ATXN7L2: variants seen among roughly 807,000 people sequenced by gnomAD.
ATXN7L2 encodes ataxin-7-like protein 2.
A neutral mutation model predicts 59.6 loss-of-function variants in ATXN7L2; 17 were observed. That is an observed-to-expected ratio of 0.29 (90% CI 0.20 to 0.43). The LOEUF (loss-of-function observed/expected upper bound fraction) is 0.43, where lower values mean the gene tolerates loss of function less well. Ranked by LOEUF, ATXN7L2 falls within the 20% of genes least tolerant of loss-of-function variation. The pLI, the probability that ATXN7L2 is intolerant of heterozygous loss-of-function variation, is 1.00. For synonymous variants in ATXN7L2, 378 were observed against 392.5 expected, an observed-to-expected ratio of 0.96 and a Z score of 0.44; for missense variants, 858 against 1,008.9, an observed-to-expected ratio of 0.85 and a Z score of 2.03.
intron 7 of ATXN7L2, chr1:109,489,337 A>G (rs967498001): frequency 7.0e-6 from 4 of 570,588 alleles, no homozygotes; most frequent in African/African-American, 5.6e-5. Context: ...CACTCAGGAT[A>G]TGAACATTTT....
intron 1 of ATXN7L2, 161 bp from the exon 2 acceptor site, chr1:109,485,896 G>A (rs1305141723): frequency 2.2e-5 from 28 of 1,270,030 alleles, no homozygotes; most frequent in African/African-American, 4.6e-5. Context: ...AGCTTGTCAC[G>A]GAGTGTGGGC....
rs763529491 is a variant in ATXN7L2 at position 109,486,643 on chromosome 1, CAG to C, written c.298+34_298+35del. On this transcript the variant is annotated intron_variant, in intron 3 of 10. Transcript: ENST00000683729. This position sits in a 1 kb window ranked among gnomAD's most constrained non-coding sequence, Gnocchi z 4.3. ...GAGCCCTAGGGAGGAGATAAAGGGACAGGGGAAGGTGGAGCATGGAACTCTGA... is the reference window on the plus strand; with the variant it reads ...GAGCCCTAGGGAGGAGATAAAGGGACGGGAAGGTGGAGCATGGAACTCTGA... The C allele has an allele frequency of 3.5e-5, 55 of 1,562,354 alleles. No homozygotes were observed. The South Asian group carries it at 5.8e-4, about 16-fold the overall frequency.
rs779306849 is a variant in ATXN7L2, at chr1:109,492,573, T to G, written c.2251-13T>G. 8.1e-6 allele frequency: 13 copies of G among 1,613,856 alleles called. No homozygotes were observed. Among genetic ancestry groups the G allele is most frequent in the Non-Finnish European group, 1.1e-5 (13 of 1,179,926 alleles). On this transcript the variant is annotated splice_polypyrimidine_tract_variant and intron_variant, in intron 10 of 10. Coordinates refer to ENST00000683729, the MANE Select transcript of ATXN7L2 (RefSeq NM_001350175.2). ...CACCCTGACCCTTTCTCTCGCCTCT[T>G]GTCTTCCTGCAGTCAAAAGCCCATT...
Position 109,491,477 on chromosome 1 carries a change from A to C in ATXN7L2, c.2010A>C (p.Thr670=), listed in dbSNP as rs151133348. The change falls in exon 10 of 11, where the codon ACA becomes ACC. Residue 670 remains threonine, a synonymous_variant. Coordinates refer to ENST00000683729, the MANE Select transcript of ATXN7L2 (RefSeq NM_001350175.2). The surrounding 1 kb of genome is among the most constrained non-coding windows in gnomAD (Gnocchi z 4.1). The part of the protein sequence containing the change: ...DCRGSPHQLP[T]PVKASQLENR... ...GTGGCTCCCCTCATCAGCTCCCCACACCAGTCAAGGCTTCTCAGCTGGAGA... is the reference window on the plus strand; with the variant it reads ...GTGGCTCCCCTCATCAGCTCCCCACCCCAGTCAAGGCTTCTCAGCTGGAGA... The C allele has an allele frequency of 1.3e-4, 217 of 1,613,968 alleles. No homozygotes were observed. In the African/African-American group the frequency reaches 2.6e-3, roughly 19 times the overall value.
Position 109,488,225 on chromosome 1 carries a change from A to G in ATXN7L2, c.797-158A>G, listed in dbSNP as rs1412340990. On this transcript the variant is annotated intron_variant, in intron 5 of 10. Coordinates refer to ENST00000683729, the MANE Select transcript of ATXN7L2 (RefSeq NM_001350175.2). The surrounding 1 kb of genome is among the most constrained non-coding windows in gnomAD (Gnocchi z 5.0). Reference sequence around the variant, plus strand: ...TCTCACACCCAGCAAGGAGATGTTGATGCCCAGAAGTTTATCTGGAAGGTA... The same window carrying G: ...TCTCACACCCAGCAAGGAGATGTTGGTGCCCAGAAGTTTATCTGGAAGGTA... Among the ~76,000 whole-genome samples the G allele has an allele frequency of 6.6e-6, 1 of 152,188 alleles. No individual in the cohort carries two copies. The highest frequency in any genetic ancestry group is 2.4e-5 in the African/African-American group (1 of 41,440).
At chr1:109,484,470 C>T (rs1227024874) in intron 1 of ATXN7L2, among the ~76,000 whole-genome samples, 1 of 146,560 alleles carries the variant, frequency 6.8e-6, no homozygotes, top group African/African-American at 2.5e-5. Flanking sequence ...CCCTTCCTCA[C>T]CCCCCTTGTT....
In ATXN7L2 at chr1:109,491,690, C is replaced by A; in HGVS notation, c.2223C>A (p.Ala741=). ...VRRKKPGPAL[A]FEEKCSTLKS... is the part of the protein sequence containing the mutation. ...GCAAGAAGCCAGGCCCGGCCCTGGC[C>A]TTTGAGGAGAAGTGCTCTACACTGA... Residue 741 remains alanine, a synonymous_variant, in exon 10 of 11, where the codon GCC becomes GCA. Transcript: ENST00000683729. This position sits in a 1 kb window ranked among gnomAD's most constrained non-coding sequence, Gnocchi z 4.1. The A allele has an allele frequency of 1.2e-6, 2 of 1,606,698 alleles. No individual in the cohort carries two copies. Among genetic ancestry groups the A allele is most frequent in the Non-Finnish European group, 1.7e-6 (2 of 1,175,994 alleles).
chr1:109,484,857 G>C (rs1457888620), intron 1 of ATXN7L2, among the ~76,000 whole-genome samples: 1 of 152,196 alleles, frequency 6.6e-6, no homozygotes, highest in East Asian at 1.9e-4. Context: ...GGAGGAGACT[G>C]CACGGAGGGG....
Position 109,488,256 on chromosome 1 carries a change from C to G in ATXN7L2, c.797-127C>G. On this transcript the variant is annotated intron_variant, in intron 5 of 10. Coordinates refer to ENST00000683729, the MANE Select transcript of ATXN7L2 (RefSeq NM_001350175.2). This position sits in a 1 kb window ranked among gnomAD's most constrained non-coding sequence, Gnocchi z 5.0. The stretch of plus-strand genomic sequence containing the variant: ...AGAAGTTTATCTGGAAGGTACAGCC[C>G]CAGGCTGAGGGCTGGAGTCTCTTCT... The G allele has an allele frequency of 3.4e-6, 3 of 894,406 alleles. No homozygotes were observed. The highest frequency in any genetic ancestry group is 5.4e-6 in the Non-Finnish European group (3 of 554,326). The allele number at this position is 894,406 out of a possible 1,614,324, so 55.4% of individuals were successfully genotyped here.
rs910130012 is a variant in ATXN7L2 at position 109,491,082 on chromosome 1, C to T, written c.1615C>T (p.Pro539Ser). 6.2e-7 allele frequency: 1 copy of T among 1,613,606 alleles called. No individual in the cohort carries two copies. The highest frequency in any genetic ancestry group is 1.3e-5 in the African/African-American group (1 of 74,944). Residue 539 changes from proline to serine, a missense_variant, in exon 10 of 11, where the codon CCC becomes TCC. Pro to Ser is a moderately conservative substitution (Grantham distance 74, BLOSUM62 -1). Coordinates refer to ENST00000683729, the MANE Select transcript of ATXN7L2 (RefSeq NM_001350175.2). This position sits in a 1 kb window ranked among gnomAD's most constrained non-coding sequence, Gnocchi z 4.1. ...GCCCCCCACCAAGGACAACCTTGTCCCCAGCTACCCTGCAGGCTCCCCCAG... is the reference window on the plus strand; with the variant it reads ...GCCCCCCACCAAGGACAACCTTGTCTCCAGCTACCCTGCAGGCTCCCCCAG... ...SMPPTKDNLV[P>S]SYPAGSPSVA... is the part of the protein sequence containing the mutation.
rs1048655806 is a variant in ATXN7L2, at chr1:109,490,809, C to T, written c.1455-113C>T. The T allele has an allele frequency of 2.4e-6, 3 of 1,244,032 alleles. No individual in the cohort carries two copies. In the African/African-American group the frequency reaches 4.5e-5, roughly 19 times the overall value. The allele number at this position is 1,244,032 out of a possible 1,614,324, so 77.1% of individuals were successfully genotyped here. ...CATCTCCCAGCAGATGGCAGCAACT[C>T]TGGGGCTCTGCTGACCATTTCTAGG... On this transcript the variant is annotated intron_variant, in intron 9 of 10. Coordinates refer to ENST00000683729, the MANE Select transcript of ATXN7L2 (RefSeq NM_001350175.2).
intron 1 of ATXN7L2, among the ~76,000 whole-genome samples, chr1:109,484,282 C>T (rs1239770609): frequency 6.6e-6 from 1 of 152,128 alleles, no homozygotes; most frequent in Admixed American, 6.5e-5. Flanking sequence ...TCACCGCTCG[C>T]AGCCCACCCT....
rs368221935 is a variant in ATXN7L2, at chr1:109,491,063, C to T, written c.1596C>T (p.Pro532=). The T allele has an allele frequency of 4.3e-6, 7 of 1,613,630 alleles. No individual in the cohort carries two copies. The African/African-American group carries it at 9.3e-5, about 22-fold the overall frequency. The change falls in exon 10 of 11, where the codon CCC becomes CCT. Residue 532 remains proline (P), a synonymous_variant. Transcript: ENST00000683729. This position sits in a 1 kb window ranked among gnomAD's most constrained non-coding sequence, Gnocchi z 4.1. ...LRPACPASMP[P]TKDNLVPSYP... is the part of the protein sequence containing the mutation. ...CTGCCTGCCCAGCCTCCATGCCCCCCACCAAGGACAACCTTGTCCCCAGCT... is the reference window on the plus strand; with the variant it reads ...CTGCCTGCCCAGCCTCCATGCCCCCTACCAAGGACAACCTTGTCCCCAGCT...
chr1:109,486,459 A>C lies in ATXN7L2; in HGVS notation c.194-47A>C. The C allele has an allele frequency of 1.3e-6, 2 of 1,514,636 alleles. No individual in the cohort carries two copies. The highest frequency in any genetic ancestry group is 1.2e-5 in the South Asian group (1 of 86,916). The allele number at this position is 1,514,636 out of a possible 1,614,324, so 93.8% of individuals were successfully genotyped here. A position where few individuals can be genotyped will look rare whatever the true frequency, so the allele number is the denominator to read the frequency against. Reference sequence around the variant, plus strand: ...GGAGTGCTCTCCGATCTTCCAGAGAAACCCTGGGATCTTCAGCCCCAGTGA... The same window carrying C: ...GGAGTGCTCTCCGATCTTCCAGAGACACCCTGGGATCTTCAGCCCCAGTGA... On this transcript the variant is annotated intron_variant, in intron 2 of 10. Coordinates refer to ENST00000683729, the MANE Select transcript of ATXN7L2 (RefSeq NM_001350175.2). This position sits in a 1 kb window ranked among gnomAD's most constrained non-coding sequence, Gnocchi z 4.3.
chr1:109,489,679 T>A (rs1222603895), intron 7 of ATXN7L2: 5 of 551,318 alleles, frequency 9.1e-6, no homozygotes, highest in Non-Finnish European at 1.6e-5. Context: ...TGCAGCAGAT[T>A]ATCCCCTGAG....
Position 109,492,723 on chromosome 1 carries a change from A to G in ATXN7L2, c.*123A>G. 8.6e-7 allele frequency: 1 copy of G among 1,158,316 alleles called. No individual in the cohort carries two copies. The highest frequency in any genetic ancestry group is 1.5e-5 in the South Asian group (1 of 68,510). The allele number at this position is 1,158,316 out of a possible 1,614,324, so 71.8% of individuals were successfully genotyped here. ...TTTTTTTTAAGAAAAAAAGCTCTTT[A>G]AAATACCTCAAGACTGTCTCCCTGT... On this transcript the variant is annotated 3_prime_UTR_variant, in exon 11 of 11. Coordinates refer to ENST00000683729, the MANE Select transcript of ATXN7L2 (RefSeq NM_001350175.2).
At chr1:109,485,199 G>C (rs1656487340) in intron 1 of ATXN7L2, 1 of 880,614 alleles carries the variant, frequency 1.1e-6, no homozygotes, top group Non-Finnish European at 1.4e-6. Flanking sequence ...AGACGGGTTT[G>C]GTGACTCAGA....
At chr1:109,490,699 T>C (rs965524407) in intron 9 of ATXN7L2, among the ~76,000 whole-genome samples, 3 of 152,256 alleles carry the variant, frequency 2.0e-5, no homozygotes, top group Middle Eastern at 3.4e-3. Context: ...ATGAAGTTCC[T>C]AGTGGGCTGC....
Position 109,486,249 on chromosome 1 carries a change from C to A in ATXN7L2, c.193+127C>A. ...CTGGGGACCCTCATTTTGATAGGTC[C>A]GAGTCGGCCGGTTGTTCTGGCTCCT... On this transcript the variant is annotated intron_variant, in intron 2 of 10. Coordinates refer to ENST00000683729, the MANE Select transcript of ATXN7L2 (RefSeq NM_001350175.2). The surrounding 1 kb of genome is among the most constrained non-coding windows in gnomAD (Gnocchi z 4.3). The A allele has an allele frequency of 7.2e-7, 1 of 1,388,876 alleles. No homozygotes were observed. Among genetic ancestry groups the A allele is most frequent in the Admixed American group, 3.0e-5 (1 of 33,828 alleles). 86.0% of individuals were successfully genotyped at this position (1,388,876 alleles called of 1,614,324 possible). A position where few individuals can be genotyped will look rare whatever the true frequency, so the allele number is the denominator to read the frequency against.
Sources: allele counts gnomAD v4.1 joint callset (sites outside exome capture counted in the v4.1 genomes callset), GRCh38; gene constraint gnomAD v4.1.1; non-coding constraint Gnocchi (gnomAD v3.1); transcripts MANE v1.5; gene names NCBI Gene and HGNC (gene_info 2026-07-23, HGNC 2026-07-21).